The following ZNF395 variants were observed in gnomAD, a reference collection of about 807,000 sequenced individuals.
ZNF395 encodes the protein HD gene regulatory region-binding protein 2.
Under a neutral mutation model 57.7 loss-of-function variants are expected in ZNF395, and 20 were observed. That is an observed-to-expected ratio of 0.35 (90% CI 0.24 to 0.50). The LOEUF is 0.50. Ranked by LOEUF, ZNF395 falls within the 20% of genes least tolerant of loss-of-function variation. The pLI, the probability that ZNF395 is intolerant of heterozygous loss-of-function variation, is 0.97. For missense variants in ZNF395, 606 were observed against 671.2 expected, an observed-to-expected ratio of 0.90 and a Z score of 1.07; for synonymous variants, 295 against 275.9, an observed-to-expected ratio of 1.07 and a Z score of -0.69.
chr8:28,353,085 C>T, intron 5 of ZNF395, 88 bp downstream of exon 5: 2 of 1,289,074 alleles, frequency 1.6e-6, no homozygotes, highest in Non-Finnish European at 2.2e-6. Flanking sequence ...CTAGGGCCTG[C>T]AGGGTCCCCT....
rs1209191646 is a variant in ZNF395 at position 28,353,159 on chromosome 8, C to G, written c.819+14G>C. The stretch of plus-strand genomic sequence containing the variant: ...GCTCCAGCCTGGGCTCCCACTCACA[C>G]CACAATCACGTACCTTTCTTTTTCG... On this transcript the variant is annotated intron_variant, in intron 5 of 9. Coordinates refer to ENST00000344423, the MANE Select transcript of ZNF395 (RefSeq NM_018660.3). 6.2e-7 allele frequency: 1 copy of G among 1,613,218 alleles called. No individual in the cohort carries two copies. The highest frequency in any genetic ancestry group is 2.2e-5 in the East Asian group (1 of 44,872).
chr8:28,351,799 ACTGTGTCC>A lies in ZNF395; in HGVS notation c.921_928del (p.Asp308GlyfsTer3). ...CTCCCGCTTGAACTGATCAGAGTCC[ACTGTGTCC>A]CTGTGTGGGAGGGAGATGCGGTATA... On this transcript the variant is annotated frameshift_variant and splice_region_variant, in exon 7 of 10. Coordinates refer to ENST00000344423, the MANE Select transcript of ZNF395 (RefSeq NM_018660.3). LOFTEE classifies it high-confidence loss of function. The A allele has an allele frequency of 6.5e-7, 1 of 1,549,768 alleles. No individual in the cohort carries two copies. The highest frequency in any genetic ancestry group is 8.7e-7 in the Non-Finnish European group (1 of 1,149,842).
chr8:28,361,687 G>C (rs1361165304), intron 1 of ZNF395, among the ~76,000 whole-genome samples: 1 of 152,108 alleles, frequency 6.6e-6, no homozygotes, highest in Non-Finnish European at 1.5e-5. Flanking sequence ...CACGGCTTCC[G>C]TAGGGCAACT....
rs566712689 is a variant in ZNF395 at position 28,349,809 on chromosome 8, T to C, written c.1326+255A>G. 3.9e-5 allele frequency among the ~76,000 whole-genome samples: 6 copies of C among 152,368 alleles called. No individual in the cohort carries two copies. The South Asian group carries it at 1.2e-3, about 32-fold the overall frequency. On this transcript the variant is annotated intron_variant, in intron 8 of 9. Transcript: ENST00000344423. Reference sequence around the variant, plus strand: ...CCCCAGCCTCGCCTGGTGATTTTCTTGGCAAGAAACCTGCTTGCTCTGGAC... The same window carrying C: ...CCCCAGCCTCGCCTGGTGATTTTCTCGGCAAGAAACCTGCTTGCTCTGGAC...
intron 1 of ZNF395, among the ~76,000 whole-genome samples, chr8:28,364,151 G>A (rs1368671543): frequency 6.6e-6 from 1 of 152,180 alleles, no homozygotes; most frequent in South Asian, 2.1e-4. Flanking sequence ...TTTCTGATGA[G>A]GTGACAACCT....
At chr8:28,371,815 A>G (rs1484937039) in intron 1 of ZNF395, among the ~76,000 whole-genome samples, 1 of 152,164 alleles carries the variant, frequency 6.6e-6, no homozygotes, top group Non-Finnish European at 1.5e-5. Context: ...TTGGGAGGCC[A>G]AGGCAGGTGG....
chr8:28,360,685 CTG>C (rs1801836908), intron 2 of ZNF395, among the ~76,000 whole-genome samples, 198 bp downstream of exon 2: 1 of 152,272 alleles, frequency 6.6e-6, no homozygotes, highest in Admixed American at 6.5e-5. Context: ...ACAGACAACA[CTG>C]TGGTAGAGAA....
chr8:28,368,832 T>C (rs928041455), intron 1 of ZNF395, among the ~76,000 whole-genome samples: 1 of 152,054 alleles, frequency 6.6e-6, no homozygotes, highest in Non-Finnish European at 1.5e-5. Flanking sequence ...GACTCTACTT[T>C]CTTTTCTTTC....
chr8:28,360,901 A>C lies in ZNF395; in HGVS notation c.224T>G (p.Phe75Cys). ...PSTSGLQQVA[F>C]QPGQKVYVWY... ...TCAACCTACCTTCTGCCCAGGCTGA[A>C]AGGCCACCTGCTGAAGGCCCGAGGT... Residue 75 changes from phenylalanine to cysteine, a missense_variant, in exon 2 of 10, where the codon TTT (phenylalanine) becomes TGT (cysteine). Phe to Cys is a radical substitution (Grantham distance 205, BLOSUM62 -2). Transcript: ENST00000344423. 6.2e-7 allele frequency: 1 copy of C among 1,613,892 alleles called. No homozygotes were observed. The highest frequency in any genetic ancestry group is 1.1e-5 in the South Asian group (1 of 91,082).
chr8:28,360,794 C>G (rs191008821), intron 2 of ZNF395, 91 bp downstream of exon 2: 3 of 1,535,632 alleles, frequency 2.0e-6, no homozygotes, highest in East Asian at 4.5e-5. Flanking sequence ...AAACGGTGCC[C>G]AGAGAGTTTC....
chr8:28,376,719 GTGACAGACAC>G (rs1243408930), intron 1 of ZNF395, among the ~76,000 whole-genome samples: 1 of 152,196 alleles, frequency 6.6e-6, no homozygotes, highest in Non-Finnish European at 1.5e-5. Context: ...CACAGTTGAT[GTGACAGACAC>G]CATGTGAGGC....
chr8:28,366,486 G>A (rs896186911), intron 1 of ZNF395, among the ~76,000 whole-genome samples: 1 of 150,896 alleles, frequency 6.6e-6, no homozygotes, highest in African/African-American at 2.4e-5. Context: ...CAGGAGGATC[G>A]TCTGAGCTCT....
intron 4 of ZNF395, among the ~76,000 whole-genome samples, chr8:28,355,438 T>C (rs1379428704): frequency 1.3e-5 from 2 of 148,634 alleles, no homozygotes; most frequent in East Asian, 1.9e-4. Flanking sequence ...AAAAATTTAA[T>C]AGACAATTTT....
intron 7 of ZNF395, among the ~76,000 whole-genome samples, chr8:28,350,808 A>T (rs1345503939): frequency 6.6e-6 from 1 of 152,252 alleles, no homozygotes; most frequent in Non-Finnish European, 1.5e-5. Context: ...AAGAATTTTA[A>T]GAAATATCAG....
chr8:28,376,046 T>G (rs1304357409), intron 1 of ZNF395, among the ~76,000 whole-genome samples: 1 of 152,164 alleles, frequency 6.6e-6, no homozygotes, highest in African/African-American at 2.4e-5. Context: ...CCAGCACAGC[T>G]CACTGCAGCC....
intron 4 of ZNF395, among the ~76,000 whole-genome samples, chr8:28,353,984 G>A (rs143197831): frequency 6.6e-6 from 1 of 152,346 alleles, no homozygotes; most frequent in East Asian, 1.9e-4. Context: ...AAACCTGTGG[G>A]TGGAACAAAC....
At chr8:28,368,827 T>G (rs1450863513) in intron 1 of ZNF395, among the ~76,000 whole-genome samples, 1 of 152,096 alleles carries the variant, frequency 6.6e-6, no homozygotes, top group South Asian at 2.1e-4. Context: ...ACATGGACTC[T>G]ACTTTCTTTT....
intron 1 of ZNF395, among the ~76,000 whole-genome samples, chr8:28,384,394 G>A (rs558547317): frequency 8.5e-5 from 13 of 152,216 alleles, no homozygotes; most frequent in Admixed American, 2.6e-4. Flanking sequence ...TCTCAACAGC[G>A]TCAGCCTCCA....
chr8:28,373,834 TC>T (rs1802006263), intron 1 of ZNF395, among the ~76,000 whole-genome samples: 1 of 152,120 alleles, frequency 6.6e-6, no homozygotes, highest in South Asian at 2.1e-4. Flanking sequence ...CCCCTTGTCT[TC>T]AAATAACTGC....
Sources: gnomAD v4.1 joint callset for allele counts (sites outside exome capture counted in the v4.1 genomes callset) on GRCh38, gnomAD v4.1.1 for gene constraint, MANE v1.5 for transcripts, NCBI Gene and HGNC (gene_info 2026-07-23, HGNC 2026-07-21) for gene names.